The following SLC25A26 variants were observed in gnomAD, a reference collection of about 807,000 sequenced individuals.
The protein encoded by SLC25A26 is solute carrier family 25 member 26.
A neutral mutation model predicts 37.8 loss-of-function variants in SLC25A26; 36 were observed. The ratio of observed to expected loss-of-function variants is 0.95; its 90% CI spans 0.73 to 1.26. The LOEUF is 1.26. SLC25A26 is among the 50% of genes most tolerant of loss of function. SLC25A26 has a pLI of 0.00. For missense variants in SLC25A26, 390 were observed against 331.1 expected, an observed-to-expected ratio of 1.18 and a Z score of -1.38; for synonymous variants, 129 against 122.5, an observed-to-expected ratio of 1.05 and a Z score of -0.35.
intron 5 of SLC25A26, among the ~76,000 whole-genome samples, chr3:66,275,794 C>G (rs1304377675): frequency 6.6e-6 from 1 of 152,020 alleles, no homozygotes; most frequent in Admixed American, 6.6e-5. Context: ...ACTCCTGTAA[C>G]TATTTCATAT....
At chr3:66,371,313 T>C (rs1477881397) in intron 9 of SLC25A26, 2 of 1,550,114 alleles carry the variant, frequency 1.3e-6, no homozygotes, top group Non-Finnish European at 1.7e-6. Context: ...TGCCACCTCC[T>C]CATCCTGATG....
intron 5 of SLC25A26, among the ~76,000 whole-genome samples, chr3:66,338,591 G>C (rs551950550): frequency 1.3e-5 from 2 of 152,134 alleles, no homozygotes; most frequent in East Asian, 3.9e-4. Context: ...GTAAGATTCA[G>C]TATCATTAAT....
chr3:66,195,957 C>G (rs992844219), intron 1 of SLC25A26, among the ~76,000 whole-genome samples: 1 of 152,206 alleles, frequency 6.6e-6, no homozygotes, highest in Admixed American at 6.5e-5. Flanking sequence ...TGGCTAAGAT[C>G]AAGCGTAGGA....
chr3:66,289,692 A>G (rs752926997), intron 5 of SLC25A26, among the ~76,000 whole-genome samples: 1 of 152,144 alleles, frequency 6.6e-6, no homozygotes, highest in Admixed American at 6.5e-5. Context: ...GTGTTTTGGT[A>G]CCAGTACCAT....
At chr3:66,166,007 C>T (rs1273917953) in intron 1 of SLC25A26, among the ~76,000 whole-genome samples, 1 of 149,172 alleles carries the variant, frequency 6.7e-6, no homozygotes, top group African/African-American at 2.5e-5. Flanking sequence ...AATATATTCT[C>T]TGATATATAA....
intron 1 of SLC25A26, among the ~76,000 whole-genome samples, chr3:66,229,869 A>G (rs576860817): frequency 6.6e-6 from 1 of 152,290 alleles, no homozygotes; most frequent in East Asian, 1.9e-4. Context: ...CTCACTAAAA[A>G]AAAAACTGAA....
chr3:66,312,842 C>A (rs770081518), intron 5 of SLC25A26, among the ~76,000 whole-genome samples: 7 of 152,162 alleles, frequency 4.6e-5, no homozygotes, highest in Non-Finnish European at 7.4e-5. Context: ...ACTGTCTAAC[C>A]AGTCCCATTG....
chr3:66,289,427 G>C (rs967037582), intron 5 of SLC25A26, among the ~76,000 whole-genome samples: 5 of 152,130 alleles, frequency 3.3e-5, no homozygotes, highest in African/African-American at 1.2e-4. Context: ...TATTGCCTAG[G>C]TTTTCTTCTA....
upstream of SLC25A26, chr3:66,220,956 G>A: frequency 1.1e-6 from 1 of 890,806 alleles, no homozygotes; most frequent in Admixed American, 2.1e-5. Flanking sequence ...CGTTGCACGT[G>A]CAGTTGTTGT....
At chr3:66,245,226 C>T (rs1018132568) in intron 3 of SLC25A26, among the ~76,000 whole-genome samples, 13 of 140,070 alleles carry the variant, frequency 9.3e-5, no homozygotes, top group South Asian at 4.6e-4. Context: ...TATTTTAAAC[C>T]GAAATCGTAA....
chr3:66,275,880 A>G (rs988307056), intron 5 of SLC25A26, among the ~76,000 whole-genome samples: 12 of 152,106 alleles, frequency 7.9e-5, no homozygotes, highest in African/African-American at 2.2e-4. Context: ...GTGTGTGCGA[A>G]TTATCTCCAG....
At chr3:66,295,308 C>G (rs979219753) in intron 5 of SLC25A26, among the ~76,000 whole-genome samples, 1 of 152,044 alleles carries the variant, frequency 6.6e-6, no homozygotes, top group Non-Finnish European at 1.5e-5. Context: ...ACTGCAAGCT[C>G]TGCCTCCCGG....
intron 6 of SLC25A26, among the ~76,000 whole-genome samples, chr3:66,347,954 C>T (rs894649425): frequency 1.3e-5 from 2 of 152,134 alleles, no homozygotes; most frequent in African/African-American, 4.8e-5. Context: ...AAGAACAACA[C>T]ACAATGACTG....
chr3:66,301,575 C>G (rs528970446), intron 5 of SLC25A26, among the ~76,000 whole-genome samples: 22 of 152,170 alleles, frequency 1.4e-4, no homozygotes, highest in Non-Finnish European at 2.8e-4. Flanking sequence ...TCCTACTAGG[C>G]CAACATAATT....
At chr3:66,258,733 C>T (rs1189349925) in intron 3 of SLC25A26, among the ~76,000 whole-genome samples, 1 of 152,020 alleles carries the variant, frequency 6.6e-6, no homozygotes, top group Non-Finnish European at 1.5e-5. Context: ...CATGGTGGCA[C>T]CACCTACTCA....
intron 5 of SLC25A26, among the ~76,000 whole-genome samples, chr3:66,325,288 T>C (rs888850465): frequency 3.7e-4 from 56 of 152,334 alleles, no homozygotes; most frequent in African/African-American, 1.3e-3. Context: ...GTTTATATAG[T>C]AGCTTAATGA....
chr3:66,250,893 A>T (rs912131100), intron 3 of SLC25A26, among the ~76,000 whole-genome samples: 3 of 152,210 alleles, frequency 2.0e-5, no homozygotes, highest in African/African-American at 7.2e-5. Flanking sequence ...AGATAGTAAA[A>T]TGGTTGCCAC....
intron 1 of SLC25A26, among the ~76,000 whole-genome samples, chr3:66,227,612 C>T (rs936228228): frequency 1.3e-5 from 2 of 152,180 alleles, no homozygotes; most frequent in Non-Finnish European, 2.9e-5. Context: ...TTAAGTAAAT[C>T]ATGGTAACTG....
At chr3:66,162,353 T>C (rs2070371220) in intron 1 of SLC25A26, among the ~76,000 whole-genome samples, 1 of 151,292 alleles carries the variant, frequency 6.6e-6, no homozygotes, top group South Asian at 2.1e-4. Context: ...TCTTTTTTTT[T>C]TTTTTTTGTG....
Sources: allele counts gnomAD v4.1 joint callset (sites outside exome capture counted in the v4.1 genomes callset), GRCh38; gene constraint gnomAD v4.1.1; transcripts MANE v1.5; gene names NCBI Gene and HGNC (gene_info 2026-07-23, HGNC 2026-07-21).